Variants in ZNF738 observed in about 807,000 individuals in gnomAD.
ZNF738 encodes the protein protein ZNF738.
A neutral mutation model predicts 9.2 loss-of-function variants in ZNF738; 10 were observed. That is an observed-to-expected ratio of 1.09 (90% CI 0.67 to 1.85). The LOEUF is 1.85. Ranked by LOEUF, ZNF738 falls within the 40% of genes most tolerant of loss-of-function variation. The probability of loss-of-function intolerance (pLI) is 0.00; values close to 1 mark genes in which losing one functional copy is unlikely to be tolerated. For synonymous variants in ZNF738, 113 were observed against 94.5 expected (o/e 1.20, Z -1.14); for missense variants, 346 against 283.6 (o/e 1.22, Z -1.58).
At chr19:21,371,427 G>A (rs1357855099) in intron 2 of ZNF738, among the ~76,000 whole-genome samples, 1 of 152,198 alleles carries the variant, frequency 6.6e-6, no homozygotes, top group Non-Finnish European at 1.5e-5. Context: ...GAGACATCCT[G>A]TGTTTTTTTC....
intron 2 of ZNF738, among the ~76,000 whole-genome samples, chr19:21,367,624 C>A (rs1259363221): frequency 1.3e-5 from 2 of 152,194 alleles, no homozygotes; most frequent in African/African-American, 2.4e-5. Context: ...GAAGGCTCTG[C>A]TCTCCTGTAC....
rs1439060280 is a variant in ZNF738 at position 21,387,720 on chromosome 19, A to T, written c.*4046A>T. On this transcript the variant is annotated 3_prime_UTR_variant, in exon 5 of 5. Coordinates refer to ENST00000683779, the MANE Select transcript of ZNF738 (RefSeq NM_001355237.2). Reference sequence around the variant, plus strand: ...TTACTGTCAAAAGGTCTTTCAGAAAAATATAACCCTTTAAAGTGAAGAAGA... The same window carrying T: ...TTACTGTCAAAAGGTCTTTCAGAAATATATAACCCTTTAAAGTGAAGAAGA... 1.3e-5 allele frequency among the ~76,000 whole-genome samples: 2 copies of T among 152,220 alleles called. No homozygotes were observed. Among genetic ancestry groups the T allele is most frequent in the African/African-American group, 4.8e-5 (2 of 41,468 alleles).
chr19:21,375,213 ATGTG>A (rs35659257), intron 2 of ZNF738, 21 bp from the exon 3 acceptor site: 29 of 839,054 alleles, frequency 3.5e-5, no homozygotes, highest in East Asian at 8.8e-5. Flanking sequence ...ACTTGTAAAT[ATGTG>A]TGTGTGTGTG....
chr19:21,388,424 G>C lies in ZNF738; in HGVS notation c.*4750G>C, dbSNP rs1476851931. Among the ~76,000 whole-genome samples, 1 of 152,088 alleles carries C rather than the reference G, an allele frequency of 6.6e-6. No homozygotes were observed. The highest frequency in any genetic ancestry group is 2.4e-5 in the African/African-American group (1 of 41,424). ...AAGATGCATGATGAAAAAGTGGAGA[G>C]GTTCTTTGTGGTTAACTTATACTCT... On this transcript the variant is annotated 3_prime_UTR_variant, in exon 5 of 5. Transcript: ENST00000683779.
chr19:21,370,807 C>T (rs1202374099), intron 2 of ZNF738, among the ~76,000 whole-genome samples: 1 of 152,124 alleles, frequency 6.6e-6, no homozygotes, highest in Admixed American at 6.5e-5. Flanking sequence ...CAGAGTCAGG[C>T]TAACCTCACC....
At chr19:21,373,095 C>T (rs1289085500) in intron 2 of ZNF738, among the ~76,000 whole-genome samples, 1 of 152,128 alleles carries the variant, frequency 6.6e-6, no homozygotes, top group African/African-American at 2.4e-5. Flanking sequence ...AAACACCCAT[C>T]CATGGACCCT....
intron 2 of ZNF738, among the ~76,000 whole-genome samples, chr19:21,367,294 T>C (rs1421148039): frequency 1.3e-5 from 2 of 152,198 alleles, no homozygotes; most frequent in Admixed American, 6.5e-5. Context: ...ACTACAGTGT[T>C]TTTCTGAGTT....
intron 4 of ZNF738, chr19:21,381,143 G>A (rs1348241642): frequency 3.3e-5 from 29 of 874,680 alleles, no homozygotes; most frequent in Non-Finnish European, 1.8e-5. Flanking sequence ...GCACGTGAGA[G>A]TCACATGATT....
chr19:21,373,501 G>A (rs1973882599), intron 2 of ZNF738, among the ~76,000 whole-genome samples: 1 of 152,202 alleles, frequency 6.6e-6, no homozygotes, highest in Non-Finnish European at 1.5e-5. Flanking sequence ...AATTGCTGGT[G>A]TTTGTGGCAA....
Position 21,384,045 on chromosome 19 carries a change from A to C in ZNF738, c.*371A>C. ...TTTCTACCGATTCATTTACCTTACT[A>C]CACATAAGAGAATTCACACTGGAGA... On this transcript the variant is annotated 3_prime_UTR_variant, in exon 5 of 5. Coordinates refer to ENST00000683779, the MANE Select transcript of ZNF738 (RefSeq NM_001355237.2). The C allele has an allele frequency of 6.4e-7, 1 of 1,558,768 alleles. No homozygotes were observed. The highest frequency in any genetic ancestry group is 1.4e-5 in the African/African-American group (1 of 73,788).
chr19:21,371,301 G>A (rs544759612), intron 2 of ZNF738, among the ~76,000 whole-genome samples: 7 of 152,180 alleles, frequency 4.6e-5, no homozygotes, highest in Middle Eastern at 3.2e-3. Context: ...CTGGGTCACT[G>A]GGAATCCTCT....
intron 2 of ZNF738, among the ~76,000 whole-genome samples, chr19:21,370,276 G>A (rs2914643): frequency 0.037 from 5,600 of 152,190 alleles, 343 homozygotes; most frequent in African/African-American, 0.12. Flanking sequence ...TGTTCTCCTG[G>A]ATTTGGTTTG....
At chr19:21,368,289 A>G (rs116808897) in intron 2 of ZNF738, among the ~76,000 whole-genome samples, 1,991 of 151,730 alleles carry the variant, frequency 0.013, 54 homozygotes, top group African/African-American at 0.043. Flanking sequence ...TTCCTTCTTT[A>G]TGTCCATGTG....
chr19:21,360,813 A>G (rs1973677642), intron 1 of ZNF738, among the ~76,000 whole-genome samples: 1 of 140,866 alleles, frequency 7.1e-6, no homozygotes. Flanking sequence ...TTGGCAAGGC[A>G]TTAAATGGTG....
In ZNF738 at chr19:21,386,831, C is replaced by T. The variant is rs564983604; in HGVS notation, c.*3157C>T. On this transcript the variant is annotated 3_prime_UTR_variant, in exon 5 of 5. Transcript: ENST00000683779. ...GTTTAAGCAATTCTGCCTCAGCCTC[C>T]CGAGTAGCTGGGATTACAGGCATGC... 1 of 168,926 alleles carries T rather than the reference C, an allele frequency of 5.9e-6. No homozygotes were observed. Among genetic ancestry groups the T allele is most frequent in the African/African-American group, 2.4e-5 (1 of 41,748 alleles). 10.5% of individuals were successfully genotyped at this position (168,926 alleles called of 1,614,324 possible). A position where few individuals can be genotyped will look rare whatever the true frequency, so the allele number is the denominator to read the frequency against.
At chr19:21,360,820 G>T (rs1973677704) in intron 1 of ZNF738, among the ~76,000 whole-genome samples, 1 of 129,226 alleles carries the variant, frequency 7.7e-6, no homozygotes, top group Non-Finnish European at 1.6e-5. Flanking sequence ...GGCATTAAAT[G>T]GTGCTTTTTT....
At chr19:21,378,583 G>C (rs998478792) in intron 4 of ZNF738, 5 of 357,290 alleles carry the variant, frequency 1.4e-5, no homozygotes, top group African/African-American at 1.1e-4. Flanking sequence ...TATCTCATAA[G>C]AGTATTCTTG....
At chr19:21,366,812 AACGGAGAATG>A (rs1973787452) in intron 2 of ZNF738, among the ~76,000 whole-genome samples, 1 of 152,170 alleles carries the variant, frequency 6.6e-6, no homozygotes, top group Non-Finnish European at 1.5e-5. Context: ...GTGGGAGGGT[AACGGAGAATG>A]ACCAGAGGTC....
At chr19:21,362,133 G>A (rs947271850) in intron 2 of ZNF738, among the ~76,000 whole-genome samples, 4 of 143,370 alleles carry the variant, frequency 2.8e-5, no homozygotes, top group African/African-American at 7.9e-5. Context: ...TAATAATAAT[G>A]AATAAATTGT....
Sources: allele counts gnomAD v4.1 joint callset (sites outside exome capture counted in the v4.1 genomes callset), GRCh38; gene constraint gnomAD v4.1.1; transcripts MANE v1.5; gene names NCBI Gene and HGNC (gene_info 2026-07-23, HGNC 2026-07-21).